PPARGC1A: variants seen among roughly 807,000 people sequenced by gnomAD.
The protein encoded by PPARGC1A is peroxisome proliferator-activated receptor gamma coactivator 1-alpha.
A neutral mutation model predicts 88.7 loss-of-function variants in PPARGC1A; 25 were observed. The ratio of observed to expected loss-of-function variants is 0.28; its 90% CI spans 0.21 to 0.39. The LOEUF is 0.39. PPARGC1A is among the 10% of genes least tolerant of loss of function. The probability of loss-of-function intolerance (pLI) is 1.00; values close to 1 mark genes in which losing one functional copy is unlikely to be tolerated. For missense variants in PPARGC1A, 880 were observed against 968.7 expected (o/e 0.91, Z 1.22); for synonymous variants, 363 against 355.6 (o/e 1.02, Z -0.24).
upstream of PPARGC1A, among the ~76,000 whole-genome samples, chr4:23,908,821 G>A (rs1720384456): frequency 6.6e-6 from 1 of 152,146 alleles, no homozygotes; most frequent in Admixed American, 6.5e-5. Context: ...ACATCACAAA[G>A]CTCTCTACAC....
the PPARGC1A span, among the ~76,000 whole-genome samples, chr4:24,103,763 C>T: frequency 2.6e-5 from 4 of 152,016 alleles, no homozygotes; most frequent in Admixed American, 2.0e-4. Flanking sequence ...CAAAGGACCC[C>T]GAGGAAAACA....
At chr4:24,135,884 A>C in the PPARGC1A span, among the ~76,000 whole-genome samples, 1 of 152,162 alleles carries the variant, frequency 6.6e-6, no homozygotes, top group Non-Finnish European at 1.5e-5. Flanking sequence ...TCATGGGAGT[A>C]ACCGGAATGC....
chr4:24,181,974 C>A, the PPARGC1A span, among the ~76,000 whole-genome samples: 3,781 of 152,052 alleles, frequency 0.025, 52 homozygotes, highest in Non-Finnish European at 0.039. Context: ...GCACTCAGTT[C>A]TTGGCACCTC....
the PPARGC1A span, among the ~76,000 whole-genome samples, chr4:24,122,436 T>TAGAGAG: frequency 5.3e-4 from 66 of 124,312 alleles, no homozygotes; most frequent in Non-Finnish European, 7.9e-4. Context: ...TATATATATA[T>TAGAGAG]AGAGAGAGAG....
chr4:24,048,951 A>G, the PPARGC1A span, among the ~76,000 whole-genome samples: 1 of 152,112 alleles, frequency 6.6e-6, no homozygotes, highest in East Asian at 1.9e-4. Context: ...TAAAATGAAG[A>G]TTATATTCTA....
the PPARGC1A span, among the ~76,000 whole-genome samples, chr4:23,996,752 A>T: frequency 6.6e-6 from 1 of 152,140 alleles, no homozygotes; most frequent in Non-Finnish European, 1.5e-5. Flanking sequence ...CAACTACTCA[A>T]CTCTGCCATT....
At chr4:24,343,738 T>C in the PPARGC1A span, among the ~76,000 whole-genome samples, 1 of 152,060 alleles carries the variant, frequency 6.6e-6, no homozygotes, top group Non-Finnish European at 1.5e-5. Flanking sequence ...GTGTCTTACT[T>C]TGGGGAAATG....
chr4:24,208,693 A>G, the PPARGC1A span, among the ~76,000 whole-genome samples: 1 of 129,940 alleles, frequency 7.7e-6, no homozygotes, highest in Admixed American at 8.3e-5. Context: ...ATATATATAT[A>G]TATATATATT....
the PPARGC1A span, among the ~76,000 whole-genome samples, chr4:24,050,786 T>C: frequency 2.0e-5 from 3 of 152,220 alleles, 1 homozygote; most frequent in Non-Finnish European, 1.5e-5. Context: ...AATCTGATCC[T>C]TAATTACTCA....
chr4:24,201,744 A>G, the PPARGC1A span, among the ~76,000 whole-genome samples: 4 of 152,230 alleles, frequency 2.6e-5, no homozygotes. Context: ...TACCTTCATA[A>G]ACATATATAA....
At chr4:24,216,812 G>C in the PPARGC1A span, among the ~76,000 whole-genome samples, 4 of 152,280 alleles carry the variant, frequency 2.6e-5, no homozygotes, top group East Asian at 7.7e-4. Flanking sequence ...GATCAACCAA[G>C]ATTCTCCCTG....
At chr4:24,263,573 C>T in the PPARGC1A span, among the ~76,000 whole-genome samples, 5 of 151,930 alleles carry the variant, frequency 3.3e-5, no homozygotes, top group African/African-American at 7.3e-5. Flanking sequence ...CAAGTGTGCC[C>T]GTCTCTCCTG....
At chr4:24,104,307 T>C in the PPARGC1A span, among the ~76,000 whole-genome samples, 1 of 152,204 alleles carries the variant, frequency 6.6e-6, no homozygotes, top group African/African-American at 2.4e-5. Flanking sequence ...CTTTGTGGAC[T>C]GTATTTTAAG....
chr4:24,431,124 C>CAAAAAAAAAAAAAAAAAAAAAAA, the PPARGC1A span, among the ~76,000 whole-genome samples: 1 of 72,556 alleles, frequency 1.4e-5, no homozygotes, highest in Non-Finnish European at 2.8e-5. Flanking sequence ...GACTCCATCT[C>CAAAAAAAAAAAAAAAAAAAAAAA]AAAAAAAAAA....
At chr4:24,230,148 C>T in the PPARGC1A span, among the ~76,000 whole-genome samples, 4 of 152,144 alleles carry the variant, frequency 2.6e-5, no homozygotes, top group East Asian at 1.9e-4. Flanking sequence ...TTGATTGCAG[C>T]GCTGCTCTTA....
the PPARGC1A span, among the ~76,000 whole-genome samples, chr4:24,176,604 G>A: frequency 0.12 from 17,593 of 152,166 alleles, 1,367 homozygotes; most frequent in South Asian, 0.28. Flanking sequence ...TGGAGCCCTG[G>A]AGTGTGAAGA....
the PPARGC1A span, among the ~76,000 whole-genome samples, chr4:24,057,033 C>A: frequency 6.6e-6 from 1 of 152,070 alleles, no homozygotes; most frequent in African/African-American, 2.4e-5. Flanking sequence ...TTCACAAGAG[C>A]CCAAAGGTGG....
the PPARGC1A span, among the ~76,000 whole-genome samples, chr4:24,037,011 T>C: frequency 6.6e-5 from 10 of 152,318 alleles, no homozygotes; most frequent in African/African-American, 2.4e-4. Context: ...AGAGCTTAAA[T>C]GTGTTATGAT....
At chr4:24,338,693 T>C in the PPARGC1A span, among the ~76,000 whole-genome samples, 1 of 152,082 alleles carries the variant, frequency 6.6e-6, no homozygotes, top group Non-Finnish European at 1.5e-5. Flanking sequence ...ATCAATCCTG[T>C]TGGTTTCATC....
Sources: allele counts gnomAD v4.1 joint callset (sites outside exome capture counted in the v4.1 genomes callset), GRCh38; gene constraint gnomAD v4.1.1; transcripts MANE v1.5; gene names NCBI Gene and HGNC (gene_info 2026-07-23, HGNC 2026-07-21).